The following MMS22L variants were observed in gnomAD, a reference collection of about 807,000 sequenced individuals.
MMS22L encodes the protein MMS22 like, DNA repair protein, also known as protein MMS22-like.
MMS22L carries 74 observed loss-of-function variants against 159.1 expected under a neutral mutation model. The observed-to-expected ratio is 0.47, with a 90% confidence interval of 0.39 to 0.56. The LOEUF is 0.56. Ranked by LOEUF, MMS22L falls within the 20% of genes least tolerant of loss-of-function variation. The probability of loss-of-function intolerance (pLI) is 0.00; values close to 1 mark genes in which losing one functional copy is unlikely to be tolerated. For missense variants in MMS22L, 1,351 were observed against 1,422.1 expected (o/e 0.95, Z 0.80); for synonymous variants, 517 against 506.9 (o/e 1.02, Z -0.27).
At chr6:97,255,741 AT>A (rs1813726970) in intron 9 of MMS22L, among the ~76,000 whole-genome samples, 1 of 148,388 alleles carries the variant, frequency 6.7e-6, no homozygotes, top group South Asian at 2.2e-4. Flanking sequence ...ATTTAGAAAT[AT>A]ATTTCATTAT....
chr6:97,254,624 C>G lies in MMS22L; in HGVS notation c.1052G>C (p.Ser351Thr), dbSNP rs1582806096. ...VIQSRDPLGF[S>T]WWIITHVASF... ...TGCTACATGAGTAATAATCCACCAA[C>G]TAAAACCTAATGGATCCCTGGACTG... The change falls in exon 10 of 25, where the codon AGT (serine) becomes ACT (threonine). Residue 351 changes from serine (S) to threonine (T), a missense_variant. Ser to Thr is a moderately conservative substitution (Grantham distance 58). Coordinates refer to ENST00000683635, the MANE Select transcript of MMS22L (RefSeq NM_001350599.2). 2 of 1,613,670 alleles carry G rather than the reference C, an allele frequency of 1.2e-6. No homozygotes were observed.
intron 14 of MMS22L, among the ~76,000 whole-genome samples, chr6:97,190,794 C>T (rs748689563): frequency 3.3e-5 from 5 of 152,152 alleles, no homozygotes; most frequent in Non-Finnish European, 7.4e-5. Flanking sequence ...CCTCCCAACT[C>T]GCTGTTTTCT....
intron 17 of MMS22L, 51 bp downstream of exon 17, chr6:97,179,357 T>C (rs747094364): frequency 6.6e-7 from 1 of 1,514,890 alleles, no homozygotes; most frequent in Non-Finnish European, 9.0e-7. Context: ...AGACAGCAAA[T>C]AGCTTTCCAT....
At position 97,165,142 on chromosome 6, in the gene MMS22L, T is replaced by G. The variant is rs1008251727; in HGVS notation, c.3221+104A>C. 27 of 902,610 alleles carry G rather than the reference T, an allele frequency of 3.0e-5. No homozygotes were observed. In the African/African-American group the frequency reaches 3.1e-4, roughly 10 times the overall value. 55.9% of individuals were successfully genotyped at this position (902,610 alleles called of 1,614,324 possible). A position where few individuals can be genotyped will look rare whatever the true frequency, so the allele number is the denominator to read the frequency against. On this transcript the variant is annotated intron_variant, in intron 21 of 24. Coordinates refer to ENST00000683635, the MANE Select transcript of MMS22L (RefSeq NM_001350599.2). ...TCAGGAAAACAAAAAGCTTCTGAAC[T>G]ACTAGTATCCTAAGGGTTGCCAATA...
At chr6:97,241,204 C>T (rs1010052722) in intron 11 of MMS22L, among the ~76,000 whole-genome samples, 4 of 152,174 alleles carry the variant, frequency 2.6e-5, no homozygotes, top group Admixed American at 2.6e-4. Flanking sequence ...TCTATTCACT[C>T]ATTGATTGAT....
intron 15 of MMS22L, among the ~76,000 whole-genome samples, chr6:97,183,061 G>A (rs1332196297): frequency 6.6e-6 from 1 of 152,098 alleles, no homozygotes; most frequent in African/African-American, 2.4e-5. Flanking sequence ...CTCCCATGCT[G>A]ATACCCAGCG....
chr6:97,206,698 G>A (rs1040766845), intron 14 of MMS22L, among the ~76,000 whole-genome samples: 4 of 151,524 alleles, frequency 2.6e-5, no homozygotes, highest in Admixed American at 6.6e-5. Flanking sequence ...TTTTGAAAGG[G>A]GTAAAAAGAA....
chr6:97,282,360 T>C lies in MMS22L; in HGVS notation c.118A>G (p.Lys40Glu). 6.2e-7 allele frequency: 1 copy of C among 1,614,108 alleles called. No homozygotes were observed. The highest frequency in any genetic ancestry group is 1.7e-5 in the Admixed American group (1 of 60,018). ...AGGTAGGATTCTCCAGAAAAATGTT[T>C]TCCTCCTCCTCTGTTGTCAACAGCA... Reference protein sequence around the residue: ...SCAVDNRGGGKHFSGESYLCS... With the variant: ...SCAVDNRGGGEHFSGESYLCS... The change falls in exon 2 of 25, where the codon AAA (lysine) becomes GAA (glutamate). Residue 40 changes from lysine (K) to glutamate (E), a missense_variant. Lys to Glu is a moderately conservative substitution (Grantham distance 56, BLOSUM62 1). Transcript: ENST00000683635.
intron 23 of MMS22L, chr6:97,151,542 C>A (rs373512018): frequency 6.7e-6 from 3 of 444,938 alleles, no homozygotes; most frequent in Non-Finnish European, 1.2e-5. Context: ...TTCTTCCTCA[C>A]TAAATTCACA....
chr6:97,229,469 G>C (rs1810622400), intron 13 of MMS22L, 66 bp from the exon 14 acceptor site: 1 of 1,207,290 alleles, frequency 8.3e-7, no homozygotes, highest in Non-Finnish European at 1.1e-6. Context: ...TCTCTTAAAA[G>C]AAAATTTGTT....
intron 14 of MMS22L, among the ~76,000 whole-genome samples, chr6:97,197,869 C>T (rs886657371): frequency 2.6e-5 from 4 of 152,106 alleles, no homozygotes; most frequent in Non-Finnish European, 5.9e-5. Context: ...ATATTAAGAA[C>T]ACCTCACAAT....
At position 97,282,390 on chromosome 6, in the gene MMS22L, A is replaced by T; in HGVS notation, c.88T>A (p.Ser30Thr). 6.2e-6 allele frequency: 10 copies of T among 1,614,096 alleles called. No individual in the cohort carries two copies. Among genetic ancestry groups the T allele is most frequent in the Non-Finnish European group, 8.5e-6 (10 of 1,180,016 alleles). The stretch of plus-strand genomic sequence containing the variant: ...CCTCCTCTGTTGTCAACAGCACAAG[A>T]AAAGTAAGGAGGTTTGCACCATTCC... ...GTEWCKPPYF[S>T]CAVDNRGGGK... The change falls in exon 2 of 25, where the codon TCT becomes ACT. Residue 30 changes from serine (S) to threonine (T), a missense_variant. Physicochemically the swap from Ser to Thr is moderately conservative, Grantham distance 58 (BLOSUM62 1). Transcript: ENST00000683635.
At chr6:97,271,473 A>G (rs1815728141) in intron 6 of MMS22L, 1 of 152,186 alleles carries the variant, frequency 6.6e-6, no homozygotes, top group South Asian at 2.1e-4. Context: ...AGTAAGGAAA[A>G]TATCCCTCCC....
At chr6:97,152,585 TAAAAA>T (rs1160428682) in intron 22 of MMS22L, among the ~76,000 whole-genome samples, 1 of 151,550 alleles carries the variant, frequency 6.6e-6, no homozygotes, top group Non-Finnish European at 1.5e-5. Flanking sequence ...TTTCCAAGAA[TAAAAA>T]AAAGTTCAGA....
intron 16 of MMS22L, among the ~76,000 whole-genome samples, chr6:97,180,426 A>G (rs1266040878): frequency 6.6e-6 from 1 of 152,106 alleles, no homozygotes; most frequent in Non-Finnish European, 1.5e-5. Flanking sequence ...TAACCCATTC[A>G]TTAGTCAGGG....
chr6:97,237,694 G>T (rs911073635), intron 11 of MMS22L, among the ~76,000 whole-genome samples: 4 of 152,164 alleles, frequency 2.6e-5, no homozygotes, highest in Non-Finnish European at 5.9e-5. Flanking sequence ...AACAAGTAGA[G>T]TTATGGCTTA....
At chr6:97,157,000 A>G (rs1260754989) in intron 22 of MMS22L, among the ~76,000 whole-genome samples, 1 of 151,704 alleles carries the variant, frequency 6.6e-6, no homozygotes, top group East Asian at 1.9e-4. Flanking sequence ...TATTTTGTTG[A>G]GCAGTGGTTT....
intron 3 of MMS22L, among the ~76,000 whole-genome samples, chr6:97,280,574 A>G (rs1245257860): frequency 6.6e-6 from 1 of 152,070 alleles, no homozygotes; most frequent in African/African-American, 2.4e-5. Context: ...TCGGCCTCCC[A>G]AAGTGCTGGG....
intron 22 of MMS22L, among the ~76,000 whole-genome samples, chr6:97,158,757 C>T (rs542009131): frequency 5.3e-5 from 8 of 152,044 alleles, no homozygotes; most frequent in South Asian, 2.1e-4. Context: ...AGAATAAGTG[C>T]GATGTGGTGC....
Sources: allele counts gnomAD v4.1 joint callset (sites outside exome capture counted in the v4.1 genomes callset), GRCh38; gene constraint gnomAD v4.1.1; transcripts MANE v1.5; gene names NCBI Gene and HGNC (gene_info 2026-07-23, HGNC 2026-07-21).